Variants in ITGBL1 observed in about 807,000 individuals in gnomAD.
ITGBL1 encodes integrin subunit beta like 1, also known as integrin beta-like protein 1.
In ITGBL1, 51 loss-of-function variants were observed where a neutral mutation model predicts 68.5. The observed-to-expected ratio is 0.74, with a 90% confidence interval of 0.59 to 0.94. ITGBL1 has a LOEUF of 0.94. Among genes scored for constraint, ITGBL1 ranks in the 40% least tolerant of loss-of-function variants. The pLI is 0.00. For synonymous variants in ITGBL1, 209 were observed against 227.3 expected (o/e 0.92, Z 0.72); for missense variants, 649 against 647.4 (o/e 1.00, Z -0.03).
At chr13:101,602,860 A>G (rs1275631017) in intron 7 of ITGBL1, among the ~76,000 whole-genome samples, 4 of 152,032 alleles carry the variant, frequency 2.6e-5, no homozygotes, top group East Asian at 1.9e-4. Context: ...TTCACTTAGC[A>G]TAAGTGTTTG....
At chr13:101,634,328 A>G (rs1283487220) in intron 7 of ITGBL1, among the ~76,000 whole-genome samples, 2 of 152,126 alleles carry the variant, frequency 1.3e-5, no homozygotes, top group African/African-American at 4.8e-5. Context: ...TAGTTAAGAA[A>G]TGTTTAGTCA....
chr13:101,694,266 T>C (rs1015434045), intron 8 of ITGBL1, among the ~76,000 whole-genome samples: 1 of 152,194 alleles, frequency 6.6e-6, no homozygotes, highest in Non-Finnish European at 1.5e-5. Context: ...TCTTTTTGTT[T>C]GTTAAGGACA....
chr13:101,719,790 C>A (rs150260395), downstream of ITGBL1: 36 of 152,058 alleles, frequency 2.4e-4, no homozygotes, highest in African/African-American at 7.5e-4. Flanking sequence ...CAAATGAATT[C>A]CATCAGATTT....
At chr13:101,692,359 A>C (rs1281762217) in intron 7 of ITGBL1, among the ~76,000 whole-genome samples, 1 of 152,154 alleles carries the variant, frequency 6.6e-6, no homozygotes, top group Non-Finnish European at 1.5e-5. Context: ...AATGTGAATG[A>C]CTTCTGAGAC....
At chr13:101,616,776 C>T (rs560594144) in intron 7 of ITGBL1, among the ~76,000 whole-genome samples, 2 of 152,296 alleles carry the variant, frequency 1.3e-5, no homozygotes, top group South Asian at 4.1e-4. Context: ...CAGGTGTGAG[C>T]CGCTGCAGGC....
intron 2 of ITGBL1, among the ~76,000 whole-genome samples, chr13:101,551,183 G>A (rs376587007): frequency 3.9e-5 from 6 of 152,252 alleles, no homozygotes; most frequent in Admixed American, 3.3e-4. Flanking sequence ...GATTTAACAG[G>A]CAATTGAACT....
chr13:101,630,543 T>G (rs1055198382), intron 7 of ITGBL1, among the ~76,000 whole-genome samples: 9 of 152,230 alleles, frequency 5.9e-5, no homozygotes, highest in African/African-American at 2.2e-4. Context: ...ACTTCAATGG[T>G]TTCTTCAACG....
rs1316733017 is a variant in ITGBL1 at position 101,567,708 on chromosome 13, A to T, written c.326A>T (p.Lys109Met). ...GTTGTTCAATCCCCAGGCCATGGTA[A>T]GTGTGACTGTGGCAAGTGCAAGTGT... ...YDGSTCAGHGKCDCGKCKCDQ... is the reference protein window; with the variant it reads ...YDGSTCAGHGMCDCGKCKCDQ... Residue 109 changes from lysine to methionine, a missense_variant, in exon 3 of 11, where the codon AAG becomes ATG. Coordinates refer to ENST00000376180, the MANE Select transcript of ITGBL1 (RefSeq NM_004791.3). The T allele has an allele frequency of 6.2e-7, 1 of 1,612,906 alleles. No individual in the cohort carries two copies. The highest frequency in any genetic ancestry group is 1.1e-5 in the South Asian group (1 of 90,960).
chr13:101,515,612 G>T (rs2049182652), intron 2 of ITGBL1, among the ~76,000 whole-genome samples: 1 of 151,848 alleles, frequency 6.6e-6, no homozygotes, highest in South Asian at 2.1e-4. Flanking sequence ...TAATTTGTTT[G>T]GTTTTGTACT....
In ITGBL1 at chr13:101,649,680, C is replaced by T. The variant is rs575382407; in HGVS notation, c.1016-42905C>T. ...TTTCTCAATTGTATTGCTCAAGAGC[C>T]TTTGGCTGCTCTTACTGACCAGCCT... On this transcript the variant is annotated intron_variant, in intron 7 of 10. Transcript: ENST00000376180. 5.9e-5 allele frequency among the ~76,000 whole-genome samples: 9 copies of T among 152,278 alleles called. No individual in the cohort carries two copies. The South Asian group carries it at 1.9e-3, about 32-fold the overall frequency.
chr13:101,559,444 C>T (rs1164679890), intron 2 of ITGBL1, among the ~76,000 whole-genome samples: 1 of 152,120 alleles, frequency 6.6e-6, no homozygotes, highest in East Asian at 1.9e-4. Context: ...TAGCATTATT[C>T]AATTTTAAAT....
At chr13:101,543,270 C>T (rs1366295416) in intron 2 of ITGBL1, among the ~76,000 whole-genome samples, 1 of 152,176 alleles carries the variant, frequency 6.6e-6, no homozygotes, top group Non-Finnish European at 1.5e-5. Flanking sequence ...CAAAATCTCT[C>T]AGCATTTGCT....
chr13:101,661,740 AT>A (rs889808213), intron 7 of ITGBL1, among the ~76,000 whole-genome samples: 6 of 152,020 alleles, frequency 3.9e-5, no homozygotes, highest in South Asian at 2.1e-4. Flanking sequence ...ACCACCTAAT[AT>A]TTTTTTTCAA....
chr13:101,705,704 A>G (rs931463184), intron 8 of ITGBL1, among the ~76,000 whole-genome samples: 1 of 151,962 alleles, frequency 6.6e-6, no homozygotes, highest in African/African-American at 2.4e-5. Flanking sequence ...ATGGAGGGGG[A>G]GCAGATGGAG....
intron 8 of ITGBL1, among the ~76,000 whole-genome samples, chr13:101,700,610 A>C (rs1460279427): frequency 6.9e-6 from 1 of 145,788 alleles, no homozygotes; most frequent in African/African-American, 2.5e-5. Context: ...ATCCTCTTAA[A>C]ATAAATTTAG....
rs942128016 is a variant in ITGBL1 at position 101,714,742 on chromosome 13, A to C, written c.1393+191A>C. The C allele has an allele frequency of 5.3e-6, 3 of 562,268 alleles. No homozygotes were observed. In the African/African-American group the frequency reaches 5.6e-5, roughly 11 times the overall value. The allele number at this position is 562,268 out of a possible 1,614,324, so 34.8% of individuals were successfully genotyped here. A position where few individuals can be genotyped will look rare whatever the true frequency, so the allele number is the denominator to read the frequency against. On this transcript the variant is annotated intron_variant, in intron 10 of 10. Coordinates refer to ENST00000376180, the MANE Select transcript of ITGBL1 (RefSeq NM_004791.3). ...CTCACATTATTCCTAGGCATAGAAG[A>C]ATACAAGAGAATGAAGCTAAATTTT...
chr13:101,550,526 C>T (rs148088493), intron 2 of ITGBL1, among the ~76,000 whole-genome samples: 1,969 of 152,230 alleles, frequency 0.013, 7 homozygotes, highest in Non-Finnish European at 0.019. Context: ...AGCCCCTTGA[C>T]GCTGATTCAA....
At chr13:101,701,306 G>A (rs989800307) in intron 8 of ITGBL1, among the ~76,000 whole-genome samples, 3 of 152,014 alleles carry the variant, frequency 2.0e-5, no homozygotes, top group Admixed American at 2.0e-4. Flanking sequence ...AGGCCGAGGC[G>A]GGCAGATCAT....
intron 8 of ITGBL1, among the ~76,000 whole-genome samples, chr13:101,697,994 C>A (rs1160433468): frequency 1.3e-5 from 2 of 152,068 alleles, no homozygotes; most frequent in Non-Finnish European, 2.9e-5. Flanking sequence ...AATTAGTCCC[C>A]CCCATCATCT....
Sources: gnomAD v4.1 joint callset for allele counts (sites outside exome capture counted in the v4.1 genomes callset) on GRCh38, gnomAD v4.1.1 for gene constraint, MANE v1.5 for transcripts, NCBI Gene and HGNC (gene_info 2026-07-23, HGNC 2026-07-21) for gene names.